Variants in TPCN1 observed in about 807,000 individuals in gnomAD.
TPCN1 encodes two pore channel protein 1.
TPCN1 carries 52 observed loss-of-function variants against 108.8 expected under a neutral mutation model. That is an observed-to-expected ratio of 0.48 (90% CI 0.38 to 0.60). The LOEUF (loss-of-function observed/expected upper bound fraction) is 0.60, where lower values mean the gene tolerates loss of function less well. Ranked by LOEUF, TPCN1 falls within the 20% of genes least tolerant of loss-of-function variation. The pLI is 0.00. For missense variants in TPCN1, 806 were observed against 1,072.8 expected, an observed-to-expected ratio of 0.75 and a Z score of 3.47; for synonymous variants, 446 against 433.7, an observed-to-expected ratio of 1.03 and a Z score of -0.35.
At position 113,251,860 on chromosome 12, in the gene TPCN1, G is replaced by T. The variant is rs139998656; in HGVS notation, c.113-8508G>T. Reference sequence around the variant, plus strand: ...CGGCCTTACCCGATTGATTCATCCTGCCTCAAGGCGTCTGGGTCAGGTGGT... The same window carrying T: ...CGGCCTTACCCGATTGATTCATCCTTCCTCAAGGCGTCTGGGTCAGGTGGT... On this transcript the variant is annotated intron_variant, in intron 2 of 27. Coordinates refer to ENST00000335509, the MANE Select transcript of TPCN1 (RefSeq NM_017901.6). 5.3e-3 allele frequency among the ~76,000 whole-genome samples: 803 copies of T among 152,350 alleles called. 8 individuals carry two copies. The highest frequency in any genetic ancestry group is 0.018 in the African/African-American group (758 of 41,580).
At chr12:113,293,749 C>G (rs1286840005) in intron 27 of TPCN1, among the ~76,000 whole-genome samples, 3 of 152,224 alleles carry the variant, frequency 2.0e-5, no homozygotes, top group Non-Finnish European at 4.4e-5. Flanking sequence ...CCTCCCAGCT[C>G]CAGGATGTGC....
intron 2 of TPCN1, among the ~76,000 whole-genome samples, chr12:113,254,285 C>T (rs1381401171): frequency 6.6e-6 from 1 of 152,150 alleles, no homozygotes; most frequent in Admixed American, 6.5e-5. Context: ...ACAAATTCTT[C>T]CAGAAAATTG....
intron 12 of TPCN1, 63 bp downstream of exon 12, chr12:113,277,427 G>A (rs894717468): frequency 6.3e-6 from 10 of 1,599,028 alleles, no homozygotes; most frequent in African/African-American, 4.0e-5. Context: ...TAGAGTGAAC[G>A]GGGGCATGTG....
chr12:113,245,395 A>G (rs1401586413), intron 2 of TPCN1, among the ~76,000 whole-genome samples: 1 of 122,648 alleles, frequency 8.2e-6, no homozygotes, highest in East Asian at 3.0e-4. Flanking sequence ...CAGGAGATCG[A>G]GACCATCCTG....
chr12:113,227,385 C>T (rs950560700), intron 2 of TPCN1, among the ~76,000 whole-genome samples: 3 of 152,232 alleles, frequency 2.0e-5, no homozygotes, highest in Non-Finnish European at 4.4e-5. Context: ...GCACTGCCCG[C>T]GTCTCTTTGC....
At position 113,250,730 on chromosome 12, in the gene TPCN1, G is replaced by C. The variant is rs570036333; in HGVS notation, c.113-9638G>C. 2.6e-5 allele frequency among the ~76,000 whole-genome samples: 4 copies of C among 152,276 alleles called. No homozygotes were observed. The East Asian group carries it at 7.7e-4, about 29-fold the overall frequency. On this transcript the variant is annotated intron_variant, in intron 2 of 27. Transcript: ENST00000335509. ...AGCACTTTGGGAGGCCAAGGCAGTT[G>C]GATCACTTGAGGTCAGGAGTTTGAG...
Position 113,284,542 on chromosome 12 carries a change from CT to C in TPCN1, c.1343-38del. On this transcript the variant is annotated intron_variant, in intron 15 of 27. Coordinates refer to ENST00000335509, the MANE Select transcript of TPCN1 (RefSeq NM_017901.6). The surrounding 1 kb of genome is among the most constrained non-coding windows in gnomAD (Gnocchi z 4.1). ...GCGACCTGCAGATTTCTAAGCCCCC[CT>C]GTTATTTCTCTGTCTTTTACGGGCC... The C allele has an allele frequency of 1.2e-6, 2 of 1,612,096 alleles. No homozygotes were observed. The highest frequency in any genetic ancestry group is 1.8e-4 in the Middle Eastern group (1 of 5,420).
chr12:113,229,054 G>A lies in TPCN1; in HGVS notation c.112+2090G>A, dbSNP rs373668220. ...AGGGGCAAGAGAGCAACCCAGTCCT[G>A]TGTCAAGATCAGGCTTTGAATGTTG... is the stretch of plus-strand genomic sequence containing the variant. On this transcript the variant is annotated intron_variant, in intron 2 of 27. Transcript: ENST00000335509. Among the ~76,000 whole-genome samples the A allele has an allele frequency of 3.9e-5, 6 of 152,342 alleles. No individual in the cohort carries two copies. The East Asian group carries it at 7.7e-4, about 20-fold the overall frequency.
intron 2 of TPCN1, chr12:113,249,404 A>C (rs1318989887): frequency 6.6e-6 from 1 of 152,226 alleles, no homozygotes; most frequent in Non-Finnish European, 1.5e-5. Context: ...GTATGAAGGA[A>C]AGCTCTGGAT....
intron 4 of TPCN1, among the ~76,000 whole-genome samples, chr12:113,267,238 G>T (rs1955296093): frequency 6.6e-6 from 1 of 152,118 alleles, no homozygotes; most frequent in South Asian, 2.1e-4. Flanking sequence ...AGTTTTAGGG[G>T]CTGCTCTCTG....
chr12:113,270,544 G>A (rs1297567606), intron 7 of TPCN1, among the ~76,000 whole-genome samples: 12 of 151,366 alleles, frequency 7.9e-5, no homozygotes, highest in Admixed American at 5.9e-4. Flanking sequence ...GCAGTGGCAC[G>A]ATCTCGGCTT....
chr12:113,292,950 C>A lies in TPCN1; in HGVS notation c.2130C>A (p.Thr710=). 6.2e-7 allele frequency: 1 copy of A among 1,612,748 alleles called. No homozygotes were observed. The highest frequency in any genetic ancestry group is 8.5e-7 in the Non-Finnish European group (1 of 1,179,914). Residue 710 remains threonine, a synonymous_variant, in exon 26 of 28, where the codon ACC becomes ACA. Transcript: ENST00000335509. ...NQDSEVDGGI[T]LEKEISKEEL... is the part of the protein sequence containing the mutation. ...TCCCTGCAGTTGATGGTGGCATCACCCTTGAGAAGGAAATCTCCAAAGAAG... is the reference window on the plus strand; with the variant it reads ...TCCCTGCAGTTGATGGTGGCATCACACTTGAGAAGGAAATCTCCAAAGAAG...
chr12:113,278,112 G>A, intron 12 of TPCN1, 77 bp from the exon 13 acceptor site: 1 of 1,306,994 alleles, frequency 7.7e-7, no homozygotes, highest in Non-Finnish European at 1.1e-6. Flanking sequence ...GGTGTCCATA[G>A]GCAGGCAAGT....
At chr12:113,286,285 T>TC (rs1260547436) in intron 18 of TPCN1, among the ~76,000 whole-genome samples, 2 of 152,036 alleles carry the variant, frequency 1.3e-5, no homozygotes, top group Non-Finnish European at 2.9e-5. Context: ...AAAAGAATGC[T>TC]CCCCCCCTTC....
At chr12:113,286,892 CTG>C in intron 18 of TPCN1, 93 bp from the exon 19 acceptor site, 1 of 827,384 alleles carries the variant, frequency 1.2e-6, no homozygotes, top group Non-Finnish European at 2.0e-6. Flanking sequence ...TGTCTGGGCT[CTG>C]TGGGAGGGTG....
Position 113,279,361 on chromosome 12 carries a change from A to ATGTG in TPCN1, c.1297+527_1297+528insGTGT, listed in dbSNP as rs1566189205. ...TGTATATATATGTGTGTGTGTGTGT[A>ATGTG]TATATATATATATATATATATATAT... On this transcript the variant is annotated intron_variant, in intron 14 of 27. Coordinates refer to ENST00000335509, the MANE Select transcript of TPCN1 (RefSeq NM_017901.6). Among the ~76,000 whole-genome samples, 4 of 37,658 alleles carry ATGTG rather than the reference A, an allele frequency of 1.1e-4. No individual in the cohort carries two copies. In the East Asian group the frequency reaches 5.2e-3, roughly 49 times the overall value. The allele number at this position is 37,658 out of a possible 152,430, so 24.7% of individuals were successfully genotyped here. A position where few individuals can be genotyped will look rare whatever the true frequency, so the allele number is the denominator to read the frequency against.
intron 13 of TPCN1, 91 bp from the exon 14 acceptor site, chr12:113,278,681 G>T: frequency 9.8e-7 from 1 of 1,024,188 alleles, no homozygotes; most frequent in Non-Finnish European, 1.5e-6. Flanking sequence ...GTTTAGCAGG[G>T]TGAACAGGAA....
At chr12:113,235,312 G>T (rs1953843525) in intron 2 of TPCN1, among the ~76,000 whole-genome samples, 1 of 152,046 alleles carries the variant, frequency 6.6e-6, no homozygotes, top group Admixed American at 6.6e-5. Flanking sequence ...CTTTGTTATG[G>T]TTCACATGAG....
chr12:113,283,960 C>T (rs1191112481), intron 15 of TPCN1, among the ~76,000 whole-genome samples: 2 of 152,238 alleles, frequency 1.3e-5, no homozygotes, highest in Admixed American at 1.3e-4. Flanking sequence ...AGGTGTGAGC[C>T]ACTGTACCTA....
Sources: gnomAD v4.1 joint callset for allele counts (sites outside exome capture counted in the v4.1 genomes callset) on GRCh38, gnomAD v4.1.1 for gene constraint, Gnocchi (gnomAD v3.1) non-coding constraint, MANE v1.5 for transcripts, NCBI Gene and HGNC (gene_info 2026-07-23, HGNC 2026-07-21) for gene names.